Variants in HECTD4 observed in about 807,000 individuals in gnomAD.
HECTD4 encodes HECT domain E3 ubiquitin protein ligase 4.
A neutral mutation model predicts 471.5 loss-of-function variants in HECTD4; 114 were observed. The ratio of observed to expected loss-of-function variants is 0.24; its 90% CI spans 0.21 to 0.28. The LOEUF is 0.28. HECTD4 is among the 10% of genes least tolerant of loss of function. The pLI, the probability that HECTD4 is intolerant of heterozygous loss-of-function variation, is 1.00. For synonymous variants in HECTD4, 2,012 were observed against 2,256.0 expected, an observed-to-expected ratio of 0.89 and a Z score of 3.07; for missense variants, 3,866 against 5,651.5, an observed-to-expected ratio of 0.68 and a Z score of 10.13.
Position 112,273,637 on chromosome 12 carries a change from A to G in HECTD4, c.1942+18T>C. 2 of 1,612,538 alleles carry G rather than the reference A, an allele frequency of 1.2e-6. No individual in the cohort carries two copies. The highest frequency in any genetic ancestry group is 1.7e-6 in the Non-Finnish European group (2 of 1,178,822). On this transcript the variant is annotated intron_variant, in intron 11 of 75. Coordinates refer to ENST00000682272, the MANE Select transcript of HECTD4 (RefSeq NM_001388303.1). ...TCAGAGGAAAATCTTTTCCTGCAAG[A>G]CCCTGAGTGCACCTCACCTTTGGGC...
chr12:112,326,510 C>CA (rs990007021), intron 1 of HECTD4, among the ~76,000 whole-genome samples: 13 of 151,422 alleles, frequency 8.6e-5, no homozygotes, highest in East Asian at 1.9e-4. Flanking sequence ...AAAACAAAAA[C>CA]AAAAAAAACA....
intron 43 of HECTD4, among the ~76,000 whole-genome samples, 198 bp downstream of exon 43, chr12:112,227,891 C>T (rs566802203): frequency 2.0e-5 from 3 of 152,138 alleles, no homozygotes; most frequent in Non-Finnish European, 2.9e-5. Flanking sequence ...CATTGGGGAA[C>T]GCAACAAAAA....
At chr12:112,349,808 A>C (rs1341781675) in intron 1 of HECTD4, among the ~76,000 whole-genome samples, 1 of 152,254 alleles carries the variant, frequency 6.6e-6, no homozygotes, top group Non-Finnish European at 1.5e-5. Context: ...AAGGGCTGAA[A>C]GCAAAGGAGA....
chr12:112,260,435 T>C (rs989752573), intron 18 of HECTD4, among the ~76,000 whole-genome samples: 2 of 152,028 alleles, frequency 1.3e-5, no homozygotes, highest in Non-Finnish European at 2.9e-5. Flanking sequence ...TCTCTGGGAG[T>C]GGGTAAGAAC....
At chr12:112,296,503 T>C (rs1403864468) in intron 7 of HECTD4, among the ~76,000 whole-genome samples, 1 of 146,302 alleles carries the variant, frequency 6.8e-6, no homozygotes, top group African/African-American at 2.6e-5. Context: ...GTGCAGTAGA[T>C]ATAGGTGCAG....
At position 112,258,302 on chromosome 12, in the gene HECTD4, T is replaced by C. The variant is rs555421763; in HGVS notation, c.3128+194A>G. 23 of 406,816 alleles carry C rather than the reference T, an allele frequency of 5.7e-5. No individual in the cohort carries two copies. In the Admixed American group the frequency reaches 7.6e-4, roughly 13 times the overall value. 25.2% of individuals were successfully genotyped at this position (406,816 alleles called of 1,614,324 possible). ...AATTTTGAACTAATCTCTTGATCCA[T>C]GGGGAAATTTATGCTAACCAGTTGC... On this transcript the variant is annotated intron_variant, in intron 20 of 75. Transcript: ENST00000682272.
chr12:112,380,827 C>G (rs1473630566), intron 1 of HECTD4, among the ~76,000 whole-genome samples: 1 of 152,164 alleles, frequency 6.6e-6, no homozygotes, highest in Non-Finnish European at 1.5e-5. Context: ...CTGCCGTTTC[C>G]AGAAACACAC....
At chr12:112,335,756 A>G (rs531797868) in intron 1 of HECTD4, among the ~76,000 whole-genome samples, 3 of 152,126 alleles carry the variant, frequency 2.0e-5, no homozygotes, top group Non-Finnish European at 4.4e-5. Flanking sequence ...AAACCTCACA[A>G]ATCACCACTA....
rs182210175 is a variant in HECTD4, at chr12:112,336,245, C to T, written c.178-16503G>A. Among the ~76,000 whole-genome samples the T allele has an allele frequency of 3.9e-5, 6 of 152,128 alleles. No individual in the cohort carries two copies. The East Asian group carries it at 7.7e-4, about 20-fold the overall frequency. On this transcript the variant is annotated intron_variant, in intron 1 of 75. Coordinates refer to ENST00000682272, the MANE Select transcript of HECTD4 (RefSeq NM_001388303.1). ...AGAATTATAGTTTAAAAAACATGGC[C>T]GGGCGCGGTGGCTCATGCCTGTAAT...
In HECTD4 at chr12:112,188,649, C is replaced by T. The variant is rs1042484512; in HGVS notation, c.9472+2137G>A. ...CTTGTACAGGATAAAAGATTACTGG[C>T]CGGGGGAATCCCAAGGGCCTGCTGA... On this transcript the variant is annotated intron_variant, in intron 60 of 75. Coordinates refer to ENST00000682272, the MANE Select transcript of HECTD4 (RefSeq NM_001388303.1). The surrounding 1 kb of genome is among the most constrained non-coding windows in gnomAD (Gnocchi z 4.2). Among the ~76,000 whole-genome samples the T allele has an allele frequency of 6.6e-6, 1 of 152,228 alleles. No homozygotes were observed. The highest frequency in any genetic ancestry group is 1.5e-5 in the Non-Finnish European group (1 of 68,032).
At chr12:112,208,023 G>A in intron 51 of HECTD4, 23 bp from the exon 52 acceptor site, 2 of 1,608,954 alleles carry the variant, frequency 1.2e-6, no homozygotes, top group Non-Finnish European at 1.7e-6. Flanking sequence ...GGAACCTCAT[G>A]AACAGAGAAG....
chr12:112,203,397 T>G (rs2032487653), intron 54 of HECTD4: 3 of 410,454 alleles, frequency 7.3e-6, no homozygotes, highest in Non-Finnish European at 1.3e-5. Flanking sequence ...TGGTGTGGTC[T>G]GAAGGCGGCC....
At chr12:112,369,337 TTTC>T (rs1167704813) in intron 1 of HECTD4, among the ~76,000 whole-genome samples, 1 of 150,290 alleles carries the variant, frequency 6.7e-6, no homozygotes, top group Non-Finnish European at 1.5e-5. Flanking sequence ...AAACCTAGGA[TTTC>T]TTTTTTTTTT....
chr12:112,179,502 G>A lies in HECTD4; in HGVS notation c.10988-105C>T. 2 of 995,824 alleles carry A rather than the reference G, an allele frequency of 2.0e-6. No homozygotes were observed. The highest frequency in any genetic ancestry group is 3.0e-6 in the Non-Finnish European group (2 of 660,736). 61.7% of individuals were successfully genotyped at this position (995,824 alleles called of 1,614,324 possible). On this transcript the variant is annotated intron_variant, in intron 62 of 75. Transcript: ENST00000682272. The surrounding 1 kb of genome is among the most constrained non-coding windows in gnomAD (Gnocchi z 4.3). ...CACTGTTTGAAAGGGGCAGTGGATG[G>A]ACATTAGTGGAAGGAAGAGCTGCCC...
In HECTD4 at chr12:112,243,563, C is replaced by G; in HGVS notation, c.4792-44G>C. 1 of 1,600,716 alleles carries G rather than the reference C, an allele frequency of 6.2e-7. No homozygotes were observed. The highest frequency in any genetic ancestry group is 8.5e-7 in the Non-Finnish European group (1 of 1,173,028). ...GACACCTGACTCCTGCTAACTGCCG[C>G]AAGACCCCGCATGCTGTTAGGTGCT... On this transcript the variant is annotated intron_variant, in intron 31 of 75. Coordinates refer to ENST00000682272, the MANE Select transcript of HECTD4 (RefSeq NM_001388303.1). The surrounding 1 kb of genome is among the most constrained non-coding windows in gnomAD (Gnocchi z 6.6).
rs542408129 is a variant in HECTD4, at chr12:112,332,583, A to C, written c.178-12841T>G. ...AAAAGATTCCTGGAATCCATTTCTA[A>C]AGATTTTTCCAGAGGTCTAGGATAT... On this transcript the variant is annotated intron_variant, in intron 1 of 75. Transcript: ENST00000682272. 2.0e-5 allele frequency among the ~76,000 whole-genome samples: 3 copies of C among 151,836 alleles called. No individual in the cohort carries two copies. The South Asian group carries it at 6.2e-4, about 32-fold the overall frequency.
chr12:112,374,870 T>C (rs1326455361), intron 1 of HECTD4, among the ~76,000 whole-genome samples: 8 of 152,174 alleles, frequency 5.3e-5, no homozygotes, highest in Admixed American at 5.2e-4. Flanking sequence ...AACAAAATAA[T>C]AAACAAAAAC....
At chr12:112,366,962 A>C (rs1009984070) in intron 1 of HECTD4, among the ~76,000 whole-genome samples, 2 of 151,250 alleles carry the variant, frequency 1.3e-5, no homozygotes, top group Non-Finnish European at 2.9e-5. Flanking sequence ...ATGTGGGTAC[A>C]CTGCCAATAC....
At position 112,316,106 on chromosome 12, in the gene HECTD4, C is replaced by T. The variant is rs1346432761; in HGVS notation, c.696-1560G>A. Among the ~76,000 whole-genome samples, 3 of 152,058 alleles carry T rather than the reference C, an allele frequency of 2.0e-5. 1 individual carries two copies. The highest frequency in any genetic ancestry group is 2.0e-4 in the Admixed American group (3 of 15,248). On this transcript the variant is annotated intron_variant, in intron 2 of 75. Coordinates refer to ENST00000682272, the MANE Select transcript of HECTD4 (RefSeq NM_001388303.1). Reference sequence around the variant, plus strand: ...CACAAACCCCTATGTGATCTGGGCCCTGCCAACTTCATCTCCTGCCCCTCT... The same window carrying T: ...CACAAACCCCTATGTGATCTGGGCCTTGCCAACTTCATCTCCTGCCCCTCT...
Sources: gnomAD v4.1 joint callset for allele counts (sites outside exome capture counted in the v4.1 genomes callset) on GRCh38, gnomAD v4.1.1 for gene constraint, Gnocchi (gnomAD v3.1) non-coding constraint, MANE v1.5 for transcripts, NCBI Gene and HGNC (gene_info 2026-07-23, HGNC 2026-07-21) for gene names.